NEDD9: variants seen among roughly 807,000 people sequenced by gnomAD.
NEDD9 encodes the protein enhancer of filamentation 1.
Under a neutral mutation model 76.6 loss-of-function variants are expected in NEDD9, and 26 were observed. The observed-to-expected ratio is 0.34, with a 90% confidence interval of 0.25 to 0.47. The LOEUF is 0.47. Ranked by LOEUF, NEDD9 falls within the 20% of genes least tolerant of loss-of-function variation. NEDD9 has a pLI of 1.00. For missense variants in NEDD9, 937 were observed against 1,058.5 expected, an observed-to-expected ratio of 0.89 and a Z score of 1.59; for synonymous variants, 392 against 414.2, an observed-to-expected ratio of 0.95 and a Z score of 0.65.
At chr6:11,278,206 G>A (rs1185097678) in intron 3 of NEDD9, among the ~76,000 whole-genome samples, 1 of 152,066 alleles carries the variant, frequency 6.6e-6, no homozygotes, top group Non-Finnish European at 1.5e-5. Flanking sequence ...CTTGAATTGC[G>A]CTCTTTTCCC....
chr6:11,199,201 C>T (rs886883647), intron 2 of NEDD9: 2 of 152,132 alleles, frequency 1.3e-5, no homozygotes, highest in African/African-American at 2.4e-5. Flanking sequence ...GTGATAGGCT[C>T]GTTTATGAGA....
At chr6:11,322,402 G>C (rs1243486821) in intron 2 of NEDD9, among the ~76,000 whole-genome samples, 1 of 152,142 alleles carries the variant, frequency 6.6e-6, no homozygotes, top group East Asian at 1.9e-4. Flanking sequence ...TGGCACCTGA[G>C]GACTGAGCTG....
At chr6:11,348,134 T>C (rs1040196112) in intron 1 of NEDD9, among the ~76,000 whole-genome samples, 9 of 152,158 alleles carry the variant, frequency 5.9e-5, no homozygotes, top group African/African-American at 2.2e-4. Flanking sequence ...AGCATTCCTA[T>C]ACACCAACAA....
intron 1 of NEDD9, among the ~76,000 whole-genome samples, chr6:11,343,168 G>A (rs572249206): frequency 1.3e-5 from 2 of 152,184 alleles, no homozygotes; most frequent in Non-Finnish European, 2.9e-5. Flanking sequence ...CGTGGCTCAC[G>A]TCTGTAATCC....
intron 3 of NEDD9, among the ~76,000 whole-genome samples, chr6:11,239,479 C>A (rs1484662678): frequency 6.6e-6 from 1 of 152,220 alleles, no homozygotes; most frequent in African/African-American, 2.4e-5. Flanking sequence ...GAATGAGCTC[C>A]TCTCACTTCA....
chr6:11,373,504 G>A (rs894622090), intron 1 of NEDD9, among the ~76,000 whole-genome samples: 9 of 151,462 alleles, frequency 5.9e-5, no homozygotes, highest in Admixed American at 2.6e-4. Flanking sequence ...AAACTACTGC[G>A]AGTGTTTTAA....
chr6:11,282,379 A>G (rs932765677), intron 3 of NEDD9, among the ~76,000 whole-genome samples: 1 of 152,190 alleles, frequency 6.6e-6, no homozygotes, highest in Non-Finnish European at 1.5e-5. Context: ...AAGTCACCAC[A>G]TGGTGCCAGT....
intron 3 of NEDD9, among the ~76,000 whole-genome samples, chr6:11,278,008 G>A (rs1269428449): frequency 6.6e-6 from 1 of 152,140 alleles, no homozygotes; most frequent in Non-Finnish European, 1.5e-5. Flanking sequence ...CCAGCGGGAG[G>A]GAGGCTCCTG....
chr6:11,235,132 T>C (rs16871139), upstream of NEDD9, among the ~76,000 whole-genome samples: 1,388 of 152,332 alleles, frequency 9.1e-3, 24 homozygotes, highest in African/African-American at 0.032. This position sits in a 1 kb window ranked among gnomAD's most constrained non-coding sequence, Gnocchi z 4.1. Flanking sequence ...ACTTGTTACA[T>C]TGTAAGACCT....
At chr6:11,251,373 G>A (rs1260120134) in intron 3 of NEDD9, 1 of 152,190 alleles carries the variant, frequency 6.6e-6, no homozygotes, top group Admixed American at 6.5e-5. Context: ...GGATACTGGA[G>A]TCCAGGCTGG....
chr6:11,299,479 C>T (rs1323810224), intron 3 of NEDD9, among the ~76,000 whole-genome samples: 1 of 152,220 alleles, frequency 6.6e-6, no homozygotes. Context: ...ACGTCCCTGT[C>T]TGACAACTCT....
chr6:11,225,800 C>CTTT (rs5874311), intron 1 of NEDD9, among the ~76,000 whole-genome samples: 1 of 135,178 alleles, frequency 7.4e-6, no homozygotes. Flanking sequence ...CGCGCCCGGC[C>CTTT]TTTTTTTTTT....
chr6:11,272,879 T>G (rs754789916), intron 3 of NEDD9, among the ~76,000 whole-genome samples: 5 of 152,212 alleles, frequency 3.3e-5, no homozygotes, highest in Non-Finnish European at 7.3e-5. Context: ...ATTGGGTGGT[T>G]GTTGTTTTTA....
intron 1 of NEDD9, among the ~76,000 whole-genome samples, chr6:11,365,125 GACAA>G (rs201554411): frequency 0.011 from 1,682 of 152,160 alleles, 21 homozygotes; most frequent in Non-Finnish European, 0.016. Flanking sequence ...CACGCTGTCT[GACAA>G]ACAGAGTACT....
At chr6:11,212,477 T>C (rs1758813098) in intron 2 of NEDD9, among the ~76,000 whole-genome samples, 1 of 152,246 alleles carries the variant, frequency 6.6e-6, no homozygotes, top group Non-Finnish European at 1.5e-5. Context: ...AATTAATCAC[T>C]GTATCACAAG....
intron 3 of NEDD9, among the ~76,000 whole-genome samples, chr6:11,294,328 A>G (rs1760844340): frequency 6.6e-6 from 1 of 152,006 alleles, no homozygotes; most frequent in African/African-American, 2.4e-5. Context: ...TTGAATTGTG[A>G]TCTTCAGTGT....
In NEDD9 at chr6:11,192,379, G is replaced by T. The variant is rs761956846; in HGVS notation, c.629C>A (p.Pro210His). 2.5e-6 allele frequency: 4 copies of T among 1,604,642 alleles called. No individual in the cohort carries two copies. The East Asian group carries it at 9.0e-5, about 36-fold the overall frequency. Residue 210 changes from proline (P) to histidine (H), a missense_variant, in exon 4 of 7, where the codon CCT becomes CAT. Physicochemically the swap from Pro to His is moderately conservative, Grantham distance 77. Transcript: ENST00000379446. ...AGGCGGGATGTCATACACCCCTTGA[G>T]GTTTTATCTCTCCCACTGGAACTGA... The part of the protein sequence containing the change: ...VFSVPVGEIK[P>H]QGVYDIPPTK...
At chr6:11,208,843 A>G (rs1353407724) in intron 2 of NEDD9, among the ~76,000 whole-genome samples, 1 of 152,218 alleles carries the variant, frequency 6.6e-6, no homozygotes, top group Admixed American at 6.5e-5. Context: ...AAATGAGACT[A>G]TTTTAGATCT....
At chr6:11,334,865 C>T (rs1762119397) in intron 1 of NEDD9, among the ~76,000 whole-genome samples, 1 of 152,172 alleles carries the variant, frequency 6.6e-6, no homozygotes, top group Non-Finnish European at 1.5e-5. Context: ...GCCCAGGAAC[C>T]ACTAACAAAT....
Sources: allele counts gnomAD v4.1 joint callset (sites outside exome capture counted in the v4.1 genomes callset), GRCh38; gene constraint gnomAD v4.1.1; non-coding constraint Gnocchi (gnomAD v3.1); transcripts MANE v1.5; gene names NCBI Gene and HGNC (gene_info 2026-07-23, HGNC 2026-07-21).